Variants in USP34 observed in about 807,000 individuals in gnomAD.
The protein encoded by USP34 is ubiquitin carboxyl-terminal hydrolase 34.
USP34 carries 70 observed loss-of-function variants against 460.3 expected under a neutral mutation model. That is an observed-to-expected ratio of 0.15 (90% CI 0.13 to 0.19). The LOEUF is 0.19. Among genes scored for constraint, USP34 ranks in the 10% least tolerant of loss-of-function variants. USP34 has a pLI of 1.00. For missense variants in USP34, 3,985 were observed against 4,236.2 expected (o/e 0.94, Z 1.65); for synonymous variants, 1,647 against 1,405.3 (o/e 1.17, Z -3.85).
At chr2:61,382,503 C>G (rs13430881) in intron 6 of USP34, among the ~76,000 whole-genome samples, 24 of 152,348 alleles carry the variant, frequency 1.6e-4, no homozygotes, top group African/African-American at 5.5e-4. Context: ...CATACTCCCT[C>G]TGTATCACAC....
intron 3 of USP34, among the ~76,000 whole-genome samples, chr2:61,404,452 A>G (rs1405678247): frequency 6.6e-6 from 1 of 152,176 alleles, no homozygotes; most frequent in Non-Finnish European, 1.5e-5. Context: ...AAGTAACAGA[A>G]AGCAGCACAA....
At chr2:61,451,951 G>A (rs2442035) in intron 1 of USP34, among the ~76,000 whole-genome samples, 72,775 of 151,784 alleles carry the variant, frequency 0.48, 17,816 homozygotes, top group Middle Eastern at 0.54. Flanking sequence ...TGAGGCGGGC[G>A]GATCACGAGG....
At chr2:61,278,669 A>G (rs890785710) in intron 39 of USP34, among the ~76,000 whole-genome samples, 1 of 152,226 alleles carries the variant, frequency 6.6e-6, no homozygotes, top group Non-Finnish European at 1.5e-5. Context: ...TGGAATGTTG[A>G]TAATAAAATA....
Position 61,314,778 on chromosome 2 carries a change from C to G in USP34, c.3383-34G>C, listed in dbSNP as rs989333737. ...CAAATGTTTAGACACATATATTAGC[C>G]TTATATTCTTGTTTAGCTATATCAA... On this transcript the variant is annotated intron_variant, in intron 24 of 79. Transcript: ENST00000398571. The G allele has an allele frequency of 1.9e-6, 3 of 1,578,274 alleles. No homozygotes were observed. The African/African-American group carries it at 4.1e-5, about 22-fold the overall frequency.
At chr2:61,316,386 A>G (rs1322825293) in intron 23 of USP34, among the ~76,000 whole-genome samples, 2 of 151,894 alleles carry the variant, frequency 1.3e-5, no homozygotes, top group Non-Finnish European at 1.5e-5. Flanking sequence ...GGAGTTCGAG[A>G]CTAGTCTGGT....
At chr2:61,301,999 G>T (rs1294923546) in intron 27 of USP34, among the ~76,000 whole-genome samples, 2 of 152,154 alleles carry the variant, frequency 1.3e-5, no homozygotes, top group East Asian at 1.9e-4. Context: ...AGAAAAAAAG[G>T]AAAGGGAAAA....
rs370843264 is a variant in USP34 at position 61,236,140 on chromosome 2, T to C, written c.6918+21A>G. On this transcript the variant is annotated intron_variant, in intron 55 of 79. Transcript: ENST00000398571. ...AGTAGTAAATTTTGACAGAATTATTTAAAGTTCATATATTTATTACCTTTG... is the reference window on the plus strand; with the variant it reads ...AGTAGTAAATTTTGACAGAATTATTCAAAGTTCATATATTTATTACCTTTG... 5.6e-6 allele frequency: 9 copies of C among 1,596,332 alleles called. No homozygotes were observed. In the African/African-American group the frequency reaches 1.1e-4, roughly 19 times the overall value.
At chr2:61,382,499 C>G (rs990096426) in intron 6 of USP34, among the ~76,000 whole-genome samples, 3 of 152,320 alleles carry the variant, frequency 2.0e-5, no homozygotes, top group African/African-American at 7.2e-5. Context: ...GCCCCATACT[C>G]CCTCTGTATC....
intron 27 of USP34, among the ~76,000 whole-genome samples, chr2:61,304,697 G>A (rs1459053692): frequency 6.6e-6 from 1 of 152,216 alleles, no homozygotes; most frequent in Admixed American, 6.5e-5. Flanking sequence ...CAGACCATGA[G>A]AAATAAATTT....
intron 68 of USP34, among the ~76,000 whole-genome samples, chr2:61,212,665 GCTT>G (rs917772913): frequency 1.8e-4 from 28 of 152,174 alleles, no homozygotes; most frequent in South Asian, 4.1e-4. Flanking sequence ...GAAACCCCCA[GCTT>G]CTTATTTTTC....
Position 61,375,968 on chromosome 2 carries a change from GACT to G in USP34, c.1076+2392_1076+2394del, listed in dbSNP as rs373564198. On this transcript the variant is annotated intron_variant, in intron 8 of 79. Transcript: ENST00000398571. ...AAATGAAAAGAAGCCAGAAGAAAAT[GACT>G]ACTATCATTTGATTCCTTTTAAATG... Among the ~76,000 whole-genome samples the G allele has an allele frequency of 2.0e-3, 311 of 152,082 alleles. 2 individuals are homozygous for G. Among genetic ancestry groups the G allele is most frequent in the African/African-American group, 7.1e-3 (295 of 41,480 alleles).
intron 53 of USP34, among the ~76,000 whole-genome samples, chr2:61,241,269 C>A (rs1166815293): frequency 1.3e-5 from 2 of 151,998 alleles, no homozygotes; most frequent in Admixed American, 6.6e-5. Flanking sequence ...GTCTTGAACC[C>A]CTGACCTCGT....
chr2:61,289,739 C>T (rs1266373587), intron 33 of USP34, among the ~76,000 whole-genome samples: 5 of 151,906 alleles, frequency 3.3e-5, no homozygotes, highest in African/African-American at 9.7e-5. Flanking sequence ...ACCAAATAGC[C>T]GTATGAAGAA....
chr2:61,222,672 G>T lies in USP34; in HGVS notation c.7750-9C>A. ...AAAAGCATAGATACAATCTAAAACAGAAAGAGGAGGATTTCAGGATATTCT... is the reference window on the plus strand; with the variant it reads ...AAAAGCATAGATACAATCTAAAACATAAAGAGGAGGATTTCAGGATATTCT... On this transcript the variant is annotated splice_polypyrimidine_tract_variant and intron_variant, in intron 64 of 79. Coordinates refer to ENST00000398571, the MANE Select transcript of USP34 (RefSeq NM_014709.4). 6.2e-7 allele frequency: 1 copy of T among 1,609,860 alleles called. No homozygotes were observed. Among genetic ancestry groups the T allele is most frequent in the Non-Finnish European group, 8.5e-7 (1 of 1,177,990 alleles).
chr2:61,216,715 T>C (rs1687407033), intron 67 of USP34, among the ~76,000 whole-genome samples: 1 of 151,874 alleles, frequency 6.6e-6, no homozygotes, highest in Non-Finnish European at 1.5e-5. Context: ...GGTCAGGAGT[T>C]CAAGACCAGC....
chr2:61,226,858 TTTGG>T, intron 62 of USP34: 1 of 526,218 alleles, frequency 1.9e-6, no homozygotes. Flanking sequence ...GAAGTAAAAG[TTTGG>T]TAGAAAAAAC....
At chr2:61,381,686 A>T (rs1692979904) in intron 6 of USP34, among the ~76,000 whole-genome samples, 2 of 152,184 alleles carry the variant, frequency 1.3e-5, no homozygotes, top group African/African-American at 4.8e-5. Context: ...CTTACACAGC[A>T]AAACCAACCC....
chr2:61,396,589 C>T (rs541821549), intron 3 of USP34, among the ~76,000 whole-genome samples: 4 of 151,704 alleles, frequency 2.6e-5, no homozygotes, highest in African/African-American at 7.3e-5. Flanking sequence ...CCTGGGTTCA[C>T]GCCATTCTCC....
Position 61,190,368 on chromosome 2 carries a change from C to T in USP34, c.9776G>A (p.Ser3259Asn), listed in dbSNP as rs202195477. Residue 3259 changes from serine (S) to asparagine (N), a missense_variant, in exon 78 of 80, where the codon AGC becomes AAC. Transcript: ENST00000398571. ...FSEANCANLI[S>N]TLITNLISQY... is the part of the protein sequence containing the mutation. ...GCTTATCAAGTTTGTAATAAGAGTG[C>T]TGATCAAATTGGCACAGTTTGCTTC... 7.6e-5 allele frequency: 122 copies of T among 1,613,284 alleles called. 1 individual carries two copies. In the East Asian group the frequency reaches 1.8e-3, roughly 23 times the overall value.
Sources: allele counts gnomAD v4.1 joint callset (sites outside exome capture counted in the v4.1 genomes callset), GRCh38; gene constraint gnomAD v4.1.1; transcripts MANE v1.5; gene names NCBI Gene and HGNC (gene_info 2026-07-23, HGNC 2026-07-21).